The following ESRRG variants were observed in gnomAD, a reference collection of about 807,000 sequenced individuals.
The protein encoded by ESRRG is estrogen related receptor gamma.
ESRRG carries 13 observed loss-of-function variants against 44.0 expected under a neutral mutation model. The observed-to-expected ratio is 0.30, with a 90% CI of 0.19 to 0.47. The LOEUF is 0.47. ESRRG is among the 20% of genes least tolerant of loss of function. The pLI is 1.00. For missense variants in ESRRG, 395 were observed against 580.6 expected, an observed-to-expected ratio of 0.68 and a Z score of 3.29; for synonymous variants, 215 against 214.6, an observed-to-expected ratio of 1.00 and a Z score of -0.02.
chr1:216,860,934 C>G (rs914903791), intron 2 of ESRRG, among the ~76,000 whole-genome samples: 1 of 151,918 alleles, frequency 6.6e-6, no homozygotes, highest in South Asian at 2.1e-4. Context: ...TATGTAAGAG[C>G]AAAACGTGAA....
intron 1 of ESRRG, among the ~76,000 whole-genome samples, chr1:217,066,633 G>T (rs1441324047): frequency 6.6e-6 from 1 of 152,192 alleles, no homozygotes; most frequent in East Asian, 1.9e-4. Flanking sequence ...TTTAAACTTT[G>T]TAAGTGTCTA....
At chr1:217,062,256 A>C (rs1376580677) in intron 1 of ESRRG, among the ~76,000 whole-genome samples, 1 of 152,152 alleles carries the variant, frequency 6.6e-6, no homozygotes, top group Non-Finnish European at 1.5e-5. Context: ...CTCTCTCCAC[A>C]GCATTTTTAT....
chr1:216,981,264 A>T (rs1023464015), intron 1 of ESRRG, among the ~76,000 whole-genome samples: 1 of 152,216 alleles, frequency 6.6e-6, no homozygotes, highest in Non-Finnish European at 1.5e-5. Flanking sequence ...TGTCTCTTCA[A>T]CTAATTTGTC....
intron 1 of ESRRG, among the ~76,000 whole-genome samples, chr1:217,065,345 T>C (rs2089449527): frequency 6.6e-6 from 1 of 152,226 alleles, no homozygotes; most frequent in Non-Finnish European, 1.5e-5. Context: ...CCAATTCCCA[T>C]AGAAATCTCC....
intron 1 of ESRRG, among the ~76,000 whole-genome samples, chr1:217,037,962 T>C (rs766222288): frequency 3.9e-5 from 6 of 152,190 alleles, no homozygotes; most frequent in African/African-American, 1.4e-4. Context: ...ATCCAGGTCA[T>C]GCTGATGCAA....
At chr1:216,663,063 G>T (rs1003650943) in intron 2 of ESRRG, among the ~76,000 whole-genome samples, 4 of 152,132 alleles carry the variant, frequency 2.6e-5, no homozygotes, top group East Asian at 3.8e-4. Flanking sequence ...ACTTTTTAAA[G>T]AAATCTTTGT....
chr1:216,552,188 C>T (rs951270510), intron 5 of ESRRG, among the ~76,000 whole-genome samples: 8 of 151,756 alleles, frequency 5.3e-5, no homozygotes, highest in African/African-American at 1.7e-4. Flanking sequence ...AATATATTGT[C>T]CATATAAATC....
intron 2 of ESRRG, among the ~76,000 whole-genome samples, chr1:216,805,591 T>C (rs114585904): frequency 0.013 from 1,951 of 152,262 alleles, 53 homozygotes; most frequent in African/African-American, 0.044. Context: ...CTGTCCAATT[T>C]GGTCAAATTG....
intron 1 of ESRRG, among the ~76,000 whole-genome samples, chr1:217,062,551 C>T (rs1236648668): frequency 6.6e-6 from 1 of 152,134 alleles, no homozygotes; most frequent in Non-Finnish European, 1.5e-5. Context: ...GTCAGGCATA[C>T]TCACACAAAA....
intron 1 of ESRRG, among the ~76,000 whole-genome samples, chr1:217,002,358 G>T (rs71643437): frequency 0.13 from 19,751 of 147,626 alleles, 1,795 homozygotes; most frequent in East Asian, 0.21. Flanking sequence ...AGAAAAGAAA[G>T]AAACAGAGAT....
chr1:216,972,980 C>G (rs2150311465), intron 1 of ESRRG, among the ~76,000 whole-genome samples: 1 of 152,246 alleles, frequency 6.6e-6, no homozygotes, highest in Admixed American at 6.5e-5. Context: ...CCTGTTGGCA[C>G]TACCTTTGAA....
intron 1 of ESRRG, among the ~76,000 whole-genome samples, chr1:217,085,510 T>C (rs867523074): frequency 1.2e-5 from 1 of 82,534 alleles, no homozygotes; most frequent in Non-Finnish European, 2.6e-5. Context: ...TTTTTTTTTT[T>C]AGACGAAGTC....
chr1:216,622,661 T>C (rs2062460080), intron 3 of ESRRG, among the ~76,000 whole-genome samples: 1 of 151,592 alleles, frequency 6.6e-6, no homozygotes, highest in African/African-American at 2.4e-5. Flanking sequence ...GTGCATCTAA[T>C]TATTTCATTG....
chr1:216,724,498 T>A (rs1367867422), upstream of ESRRG, among the ~76,000 whole-genome samples: 2 of 151,970 alleles, frequency 1.3e-5, no homozygotes, highest in Non-Finnish European at 2.9e-5. Context: ...CAAAACATCC[T>A]GCTTTCAAAT....
intron 2 of ESRRG, among the ~76,000 whole-genome samples, chr1:216,794,521 C>A (rs1289277756): frequency 6.6e-6 from 1 of 152,152 alleles, no homozygotes. Context: ...TAAAATAATC[C>A]CATTACCATG....
chr1:217,112,841 C>T (rs1473918779), intron 1 of ESRRG, among the ~76,000 whole-genome samples: 2 of 152,168 alleles, frequency 1.3e-5, no homozygotes, highest in Admixed American at 1.3e-4. Flanking sequence ...ACATGAAGGG[C>T]TTTCTAAGGA....
At position 216,995,614 on chromosome 1, in the gene ESRRG, C is replaced by T. The variant is rs535671577; in HGVS notation, c.-105-55941G>A. Among the ~76,000 whole-genome samples, 21 of 152,318 alleles carry T rather than the reference C, an allele frequency of 1.4e-4. No homozygotes were observed. In the South Asian group the frequency reaches 2.1e-3, roughly 15 times the overall value. On this transcript the variant is annotated intron_variant, in intron 1 of 7. Transcript: ENST00000359162. ...AGCTGTCATTTCTTCCAGAGGGTAT[C>T]CTGATCCTTCCAAATTCTAGGTTGG...
chr1:216,925,116 T>A (rs2062358282), intron 2 of ESRRG, among the ~76,000 whole-genome samples: 1 of 152,142 alleles, frequency 6.6e-6, no homozygotes, highest in Admixed American at 6.5e-5. Flanking sequence ...TTAAACAGGA[T>A]GGCTCAACAG....
chr1:216,840,936 C>T (rs768405725), intron 2 of ESRRG, among the ~76,000 whole-genome samples: 1 of 152,034 alleles, frequency 6.6e-6, no homozygotes, highest in African/African-American at 2.4e-5. Flanking sequence ...GTTTGAAATA[C>T]AGCAGAATAC....
Sources: allele counts gnomAD v4.1 joint callset (sites outside exome capture counted in the v4.1 genomes callset), GRCh38; gene constraint gnomAD v4.1.1; transcripts MANE v1.5; gene names NCBI Gene and HGNC (gene_info 2026-07-23, HGNC 2026-07-21).